The following TUT4 variants were observed in gnomAD, a reference collection of about 807,000 sequenced individuals.
TUT4 encodes the protein terminal uridylyltransferase 4.
In TUT4, 36 loss-of-function variants were observed where a neutral mutation model predicts 192.2. The ratio of observed to expected loss-of-function variants is 0.19; its 90% CI spans 0.14 to 0.25. The LOEUF (loss-of-function observed/expected upper bound fraction) is 0.25, where lower values mean the gene tolerates loss of function less well. TUT4 is among the 10% of genes least tolerant of loss of function. The pLI is 1.00. For synonymous variants in TUT4, 618 were observed against 666.0 expected, an observed-to-expected ratio of 0.93 and a Z score of 1.11; for missense variants, 1,493 against 1,957.2, an observed-to-expected ratio of 0.76 and a Z score of 4.47.
At chr1:52,547,483 T>G (rs886726643) in intron 1 of TUT4, among the ~76,000 whole-genome samples, 3 of 152,050 alleles carry the variant, frequency 2.0e-5, no homozygotes, top group African/African-American at 7.2e-5. Context: ...CTCATAAAGT[T>G]AATCATAAGT....
At chr1:52,524,601 T>G (rs1247322700) in intron 2 of TUT4, among the ~76,000 whole-genome samples, 2 of 149,214 alleles carry the variant, frequency 1.3e-5, no homozygotes, top group Non-Finnish European at 3.0e-5. Context: ...AGGTCAGGAG[T>G]TCAAGAACAG....
chr1:52,541,209 A>T (rs935224348), intron 1 of TUT4, among the ~76,000 whole-genome samples: 1 of 132,158 alleles, frequency 7.6e-6, no homozygotes, highest in Non-Finnish European at 1.6e-5. Context: ...ACTCTGTCTT[A>T]AAAAAAAAAA....
chr1:52,467,215 T>C (rs1293870828), intron 15 of TUT4, among the ~76,000 whole-genome samples: 1 of 152,242 alleles, frequency 6.6e-6, no homozygotes. Context: ...TTAATTGTAA[T>C]ATGTAGCACA....
At chr1:52,459,293 A>AG (rs1661853963) in intron 19 of TUT4, among the ~76,000 whole-genome samples, 1 of 151,700 alleles carries the variant, frequency 6.6e-6, no homozygotes, top group African/African-American at 2.4e-5. Flanking sequence ...CTCAAAAAAA[A>AG]AAAAGAACAA....
intron 26 of TUT4, among the ~76,000 whole-genome samples, chr1:52,436,345 G>A (rs1380943618): frequency 2.0e-5 from 3 of 152,156 alleles, no homozygotes; most frequent in African/African-American, 7.2e-5. Flanking sequence ...AATTAGCTGG[G>A]CGTGGTGGCA....
At chr1:52,504,490 C>CGTG (rs1420111396) in intron 4 of TUT4, among the ~76,000 whole-genome samples, 1 of 151,994 alleles carries the variant, frequency 6.6e-6, no homozygotes, top group Non-Finnish European at 1.5e-5. Context: ...ATTAGCCAGG[C>CGTG]GTGGTGGCAT....
rs536722533 is a variant in TUT4 at position 52,488,814 on chromosome 1, T to C, written c.1515+95A>G. On this transcript the variant is annotated intron_variant, in intron 9 of 29. Coordinates refer to ENST00000257177, the MANE Select transcript of TUT4 (RefSeq NM_001009881.3). ...ACTTTCTCCCACATGTTATGATTGATGTTACATGTCAGTACAAGAAAAGGC... is the reference window on the plus strand; with the variant it reads ...ACTTTCTCCCACATGTTATGATTGACGTTACATGTCAGTACAAGAAAAGGC... 5.1e-4 allele frequency: 630 copies of C among 1,241,432 alleles called. 2 individuals are homozygous for C. In the African/African-American group the frequency reaches 9.2e-3, roughly 18 times the overall value. 76.9% of individuals were successfully genotyped at this position (1,241,432 alleles called of 1,614,324 possible).
chr1:52,444,949 GTGTATATACA>G (rs1382190054), intron 24 of TUT4, among the ~76,000 whole-genome samples: 50 of 132,750 alleles, frequency 3.8e-4, no homozygotes, highest in Admixed American at 1.4e-3. Context: ...ATACATGTAT[GTGTATATACA>G]TGTATATACA....
At chr1:52,488,234 T>C (rs1443164884) in intron 9 of TUT4, among the ~76,000 whole-genome samples, 1 of 152,176 alleles carries the variant, frequency 6.6e-6, no homozygotes, top group Non-Finnish European at 1.5e-5. Flanking sequence ...TTTCTTTGTA[T>C]ATGACTGAGA....
At chr1:52,520,978 G>C (rs964352772) in intron 2 of TUT4, among the ~76,000 whole-genome samples, 3 of 152,018 alleles carry the variant, frequency 2.0e-5, no homozygotes, top group African/African-American at 7.2e-5. Flanking sequence ...ATTTTTAGTA[G>C]AAACGGGATT....
At chr1:52,524,857 A>ATT (rs1431300421) in intron 2 of TUT4, among the ~76,000 whole-genome samples, 8 of 152,300 alleles carry the variant, frequency 5.3e-5, no homozygotes, top group African/African-American at 1.9e-4. Context: ...TACTCAGGAT[A>ATT]AAGTCCAAAC....
At chr1:52,463,959 CAG>C (rs1015987023) in intron 16 of TUT4, among the ~76,000 whole-genome samples, 22 of 152,108 alleles carry the variant, frequency 1.4e-4, no homozygotes, top group African/African-American at 5.3e-4. Context: ...AAAAAAATTA[CAG>C]AGAGGCAGTG....
chr1:52,536,373 A>AAC (rs1188533029), intron 1 of TUT4, among the ~76,000 whole-genome samples: 2 of 152,074 alleles, frequency 1.3e-5, no homozygotes, highest in South Asian at 2.1e-4. Context: ...CTAAGAAAGT[A>AAC]ACACACACAC....
intron 1 of TUT4, among the ~76,000 whole-genome samples, chr1:52,541,225 A>AG (rs1485067298): frequency 2.7e-5 from 4 of 149,742 alleles, no homozygotes; most frequent in Admixed American, 1.3e-4. Flanking sequence ...AAAAAAAAAA[A>AG]AAGAAGAAGT....
Position 52,475,123 on chromosome 1 carries a change from T to G in TUT4, c.2436A>C (p.Leu812Phe). The G allele has an allele frequency of 6.2e-7, 1 of 1,614,208 alleles. No homozygotes were observed. Among genetic ancestry groups the G allele is most frequent in the Non-Finnish European group, 8.5e-7 (1 of 1,180,032 alleles). Reference sequence around the variant, plus strand: ...GCGCTAAATCATCTTGTTTCTTATCTAATTTTGGCTCTATTTCACTGCTTT... The same window carrying G: ...GCGCTAAATCATCTTGTTTCTTATCGAATTTTGGCTCTATTTCACTGCTTT... ...TSKSSEIEPK[L>F]DKKQDDLAPS... The change falls in exon 13 of 30, where the codon TTA becomes TTC. Residue 812 changes from leucine (L) to phenylalanine (F), a missense_variant. By Grantham distance (22) the Leu-to-Phe change is conservative. This residue lies in a region of TUT4 where 245 missense variants were observed against 218.4 expected (regional missense o/e 1.12). Coordinates refer to ENST00000257177, the MANE Select transcript of TUT4 (RefSeq NM_001009881.3).
intron 9 of TUT4, among the ~76,000 whole-genome samples, chr1:52,487,641 C>T (rs1003176320): frequency 1.3e-5 from 2 of 152,024 alleles, no homozygotes; most frequent in Non-Finnish European, 2.9e-5. Context: ...CAGTGCCTCA[C>T]ACCCATAATT....
intron 26 of TUT4, among the ~76,000 whole-genome samples, chr1:52,436,032 T>C (rs1190689948): frequency 6.6e-6 from 1 of 152,118 alleles, no homozygotes; most frequent in African/African-American, 2.4e-5. Context: ...CTTACTTGGG[T>C]TACTATTTAA....
chr1:52,543,961 C>A (rs559565836), intron 1 of TUT4, among the ~76,000 whole-genome samples: 2 of 152,162 alleles, frequency 1.3e-5, no homozygotes, highest in South Asian at 4.1e-4. Flanking sequence ...AAGTGGAGGA[C>A]TCATACTTCC....
chr1:52,429,193 C>T (rs960159030), intron 28 of TUT4, among the ~76,000 whole-genome samples: 2 of 150,546 alleles, frequency 1.3e-5, no homozygotes, highest in East Asian at 2.0e-4. Flanking sequence ...ACACCATCCT[C>T]CTGCCTCAGC....
Sources: gnomAD v4.1 joint callset for allele counts (sites outside exome capture counted in the v4.1 genomes callset) on GRCh38, gnomAD v4.1.1 for gene constraint, gnomAD v4.1.1 regional missense constraint, MANE v1.5 for transcripts, NCBI Gene and HGNC (gene_info 2026-07-23, HGNC 2026-07-21) for gene names.